The following SLC2A7 variants were observed in gnomAD, a reference collection of about 807,000 sequenced individuals.
SLC2A7 encodes solute carrier family 2, facilitated glucose transporter member 7.
A neutral mutation model predicts 50.5 loss-of-function variants in SLC2A7; 50 were observed. That is an observed-to-expected ratio of 0.99 (90% CI 0.79 to 1.25). SLC2A7 has a LOEUF of 1.25. SLC2A7 is among the 50% of genes most tolerant of loss of function. The probability of loss-of-function intolerance (pLI) is 0.00; values close to 1 mark genes in which losing one functional copy is unlikely to be tolerated. For synonymous variants in SLC2A7, 308 were observed against 300.4 expected (o/e 1.03, Z -0.26); for missense variants, 683 against 679.1 (o/e 1.01, Z -0.06).
the SLC2A7 span, among the ~76,000 whole-genome samples, chr1:8,996,947 G>T: frequency 6.6e-6 from 1 of 151,912 alleles, no homozygotes; most frequent in Non-Finnish European, 1.5e-5. Flanking sequence ...GGCTAATTTT[G>T]TATTTTTTTT....
At chr1:9,016,326 C>A (rs1048703382) in intron 5 of SLC2A7, among the ~76,000 whole-genome samples, 1 of 152,188 alleles carries the variant, frequency 6.6e-6, no homozygotes, top group Admixed American at 6.5e-5. Context: ...AAACCCCGGC[C>A]GGGCATAGTG....
chr1:9,022,116 T>A (rs1339091711), intron 3 of SLC2A7, among the ~76,000 whole-genome samples: 1 of 152,246 alleles, frequency 6.6e-6, no homozygotes, highest in Non-Finnish European at 1.5e-5. Flanking sequence ...CAATCAGCGC[T>A]ATTTTTTTCT....
In SLC2A7 at chr1:9,003,374, G is replaced by A. The variant is rs1328169582; in HGVS notation, c.1465C>T (p.Leu489Phe). The stretch of plus-strand genomic sequence containing the variant: ...ATGGTTTCTTCTTTCTCCTCTGGAA[G>A]CTTCACCCTGTTTCTCTTGGCAAAA... ...RIFAKRNRVKLPEEKEETIDA... is the reference protein window; with the variant it reads ...RIFAKRNRVKFPEEKEETIDA... The change falls in exon 12 of 12, where the codon CTT becomes TTT. Residue 489 changes from leucine to phenylalanine, a missense_variant. Leu to Phe is a conservative substitution (Grantham distance 22). Coordinates refer to ENST00000400906, the MANE Select transcript of SLC2A7 (RefSeq NM_207420.3). The A allele has an allele frequency of 1.2e-6, 2 of 1,614,098 alleles. No homozygotes were observed. The highest frequency in any genetic ancestry group is 8.5e-7 in the Non-Finnish European group (1 of 1,180,044).
At chr1:9,003,587 T>C (rs4908805) in intron 11 of SLC2A7, 69 bp from the exon 12 acceptor site, 546,537 of 1,421,360 alleles carry the variant, frequency 0.38, 107,378 homozygotes, top group East Asian at 0.61. Flanking sequence ...GCTGAGCACG[T>C]TGGCTCATGC....
At chr1:9,014,547 T>C in intron 7 of SLC2A7, 134 bp downstream of exon 7, 1 of 1,078,668 alleles carries the variant, frequency 9.3e-7, no homozygotes, top group Non-Finnish European at 1.3e-6. Flanking sequence ...GGTTTCTTCC[T>C]GACATCTGGC....
chr1:9,007,511 A>G (rs1640673101), intron 9 of SLC2A7, 126 bp from the exon 10 acceptor site: 1 of 810,586 alleles, frequency 1.2e-6, no homozygotes, highest in Non-Finnish European at 2.0e-6. Context: ...ACCTCCATGG[A>G]CCTTGAGGGC....
chr1:9,018,081 A>T, intron 5 of SLC2A7, 142 bp downstream of exon 5: 2 of 1,124,016 alleles, frequency 1.8e-6, no homozygotes, highest in South Asian at 1.7e-5. Context: ...CGACCACGTC[A>T]CCCATCCCTT....
chr1:8,993,278 C>G, the SLC2A7 span, among the ~76,000 whole-genome samples: 1 of 152,214 alleles, frequency 6.6e-6, no homozygotes, highest in Non-Finnish European at 1.5e-5. Context: ...ATTCAATTAC[C>G]TCCACCAGGT....
the SLC2A7 span, among the ~76,000 whole-genome samples, chr1:8,996,854 C>T: frequency 0.37 from 55,508 of 151,656 alleles, 10,609 homozygotes; most frequent in East Asian, 0.66. Flanking sequence ...TGGCTCACTG[C>T]AACCTCTGCC....
intron 3 of SLC2A7, 95 bp downstream of exon 3, chr1:9,022,823 G>C: frequency 6.7e-7 from 1 of 1,493,084 alleles, no homozygotes; most frequent in Non-Finnish European, 9.1e-7. Flanking sequence ...CTGATTTTCA[G>C]GGTCACACGT....
At chr1:9,009,525 T>C (rs780876605) in intron 9 of SLC2A7, among the ~76,000 whole-genome samples, 1 of 152,224 alleles carries the variant, frequency 6.6e-6, no homozygotes, top group African/African-American at 2.4e-5. Context: ...GGTGCGATCA[T>C]GGCTCACTGC....
intron 8 of SLC2A7, among the ~76,000 whole-genome samples, chr1:9,010,680 C>T (rs924810082): frequency 3.9e-5 from 6 of 152,194 alleles, no homozygotes; most frequent in African/African-American, 1.4e-4. Flanking sequence ...CTTTCTTACC[C>T]CTGCTGCCTG....
At chr1:9,004,293 A>G (rs1176917224) in intron 11 of SLC2A7, among the ~76,000 whole-genome samples, 2 of 150,132 alleles carry the variant, frequency 1.3e-5, no homozygotes. Flanking sequence ...TGGTTGCACC[A>G]CTGCATTCCA....
At chr1:9,010,504 C>T (rs549975141) in intron 8 of SLC2A7, among the ~76,000 whole-genome samples, 2 of 152,186 alleles carry the variant, frequency 1.3e-5, no homozygotes, top group Admixed American at 6.5e-5. Flanking sequence ...ATTACAGGCA[C>T]CTGCCACCAT....
In SLC2A7 at chr1:9,008,881, C is replaced by A. The variant is rs1640699904; in HGVS notation, c.1116+1262G>T. ...AAAGTGCTGGGATTACAGGTGTGAG[C>A]CACTGCGTCTGGCTGAGAACTTATA... On this transcript the variant is annotated intron_variant, in intron 9 of 11. Transcript: ENST00000400906. The surrounding 1 kb of genome is among the most constrained non-coding windows in gnomAD (Gnocchi z 5.9). Among the ~76,000 whole-genome samples the A allele has an allele frequency of 6.6e-6, 1 of 152,200 alleles. No individual in the cohort carries two copies. Among genetic ancestry groups the A allele is most frequent in the Non-Finnish European group, 1.5e-5 (1 of 68,040 alleles).
At chr1:9,020,985 A>G (rs1377120652) in intron 3 of SLC2A7, among the ~76,000 whole-genome samples, 2 of 152,102 alleles carry the variant, frequency 1.3e-5, no homozygotes, top group African/African-American at 2.4e-5. Context: ...CATGATTGTG[A>G]GGCTTTCCCA....
At chr1:8,993,678 A>C in the SLC2A7 span, among the ~76,000 whole-genome samples, 1 of 152,176 alleles carries the variant, frequency 6.6e-6, no homozygotes, top group African/African-American at 2.4e-5. Context: ...CTCAGGCTGG[A>C]ATGCAGTGGC....
chr1:9,011,366 C>T (rs1621718), intron 8 of SLC2A7, among the ~76,000 whole-genome samples: 1 of 152,190 alleles, frequency 6.6e-6, no homozygotes, highest in South Asian at 2.1e-4. Context: ...TTAAAAATAG[C>T]CCCTGGGCTG....
At chr1:9,011,051 G>A (rs1442894115) in intron 8 of SLC2A7, among the ~76,000 whole-genome samples, 1 of 152,162 alleles carries the variant, frequency 6.6e-6, no homozygotes, top group African/African-American at 2.4e-5. Flanking sequence ...TGGGGGCCAG[G>A]GGCCAGACAG....
Sources: gnomAD v4.1 joint callset for allele counts (sites outside exome capture counted in the v4.1 genomes callset) on GRCh38, gnomAD v4.1.1 for gene constraint, Gnocchi (gnomAD v3.1) non-coding constraint, MANE v1.5 for transcripts, NCBI Gene and HGNC (gene_info 2026-07-23, HGNC 2026-07-21) for gene names.